Variants in GABBR2 observed in about 807,000 individuals in gnomAD.
GABBR2 encodes the protein gamma-aminobutyric acid type B receptor subunit 2.
GABBR2 carries 23 observed loss-of-function variants against 105.6 expected under a neutral mutation model. The observed-to-expected ratio is 0.22, with a 90% CI of 0.16 to 0.31. The LOEUF (loss-of-function observed/expected upper bound fraction) is 0.31. Ranked by LOEUF, GABBR2 falls within the 10% of genes least tolerant of loss-of-function variation. The pLI is 1.00. For missense variants in GABBR2, 734 were observed against 1,245.5 expected (o/e 0.59, Z 6.18); for synonymous variants, 478 against 499.7 (o/e 0.96, Z 0.58).
At chr9:98,574,975 G>T (rs949744050) in intron 2 of GABBR2, among the ~76,000 whole-genome samples, 1 of 152,190 alleles carries the variant, frequency 6.6e-6, no homozygotes, top group Non-Finnish European at 1.5e-5. Flanking sequence ...TCATTGAGCA[G>T]ATTTCTAATG....
At chr9:98,422,501 T>TGTGC (rs896475946) in intron 7 of GABBR2, among the ~76,000 whole-genome samples, 2 of 149,294 alleles carry the variant, frequency 1.3e-5, no homozygotes, top group Non-Finnish European at 3.0e-5. Context: ...TGCACCTGTG[T>TGTGC]GTGTGTGTGT....
intron 1 of GABBR2, among the ~76,000 whole-genome samples, chr9:98,706,059 A>G (rs965999385): frequency 6.6e-6 from 1 of 151,488 alleles, no homozygotes; most frequent in Non-Finnish European, 1.5e-5. Flanking sequence ...CTGGGCAACA[A>G]GAGCAAAACT....
chr9:98,690,533 T>G (rs900016827), intron 1 of GABBR2, among the ~76,000 whole-genome samples: 1 of 152,154 alleles, frequency 6.6e-6, no homozygotes, highest in African/African-American at 2.4e-5. Flanking sequence ...CGCCCTTCTC[T>G]GCCCAAAGAA....
intron 13 of GABBR2, among the ~76,000 whole-genome samples, chr9:98,359,193 T>G (rs10125863): frequency 1.3e-5 from 2 of 152,136 alleles, no homozygotes; most frequent in Non-Finnish European, 2.9e-5. Flanking sequence ...TTTGGGAGGC[T>G]GAGGCAGGTG....
chr9:98,637,543 G>T (rs1829897344), intron 1 of GABBR2, among the ~76,000 whole-genome samples: 1 of 152,122 alleles, frequency 6.6e-6, no homozygotes, highest in Admixed American at 6.5e-5. Context: ...AGCTCACAGT[G>T]GATGATTCAT....
rs369338702 is a variant in GABBR2, at chr9:98,447,063, CTTTTTTTTTTTTTT to C, written c.1236+6904_1236+6917del. Among the ~76,000 whole-genome samples the C allele has an allele frequency of 1.7e-5, 2 of 116,360 alleles. 1 individual carries two copies. The highest frequency in any genetic ancestry group is 1.8e-4 in the Admixed American group (2 of 11,044). 76.3% of individuals were successfully genotyped at this position (116,360 alleles called of 152,430 possible). On this transcript the variant is annotated intron_variant, in intron 7 of 18. Transcript: ENST00000259455. ...CCCAGATTCAACCTAAAAAAGACTT[CTTTTTTTTTTTTTT>C]TTGAGACGGAGTCTCGCTCTGTCGC...
intron 2 of GABBR2, among the ~76,000 whole-genome samples, chr9:98,561,808 C>T (rs1260828859): frequency 1.3e-5 from 2 of 152,148 alleles, no homozygotes; most frequent in Non-Finnish European, 2.9e-5. Flanking sequence ...CCCTTGAGCG[C>T]AGGAGTTTGA....
At chr9:98,627,672 G>T (rs1030327296) in intron 1 of GABBR2, among the ~76,000 whole-genome samples, 1 of 152,216 alleles carries the variant, frequency 6.6e-6, no homozygotes, top group East Asian at 1.9e-4. Context: ...CCATCAGGGC[G>T]TTCTGAAGCG....
chr9:98,386,855 G>A (rs113656227), intron 10 of GABBR2, among the ~76,000 whole-genome samples: 2 of 152,278 alleles, frequency 1.3e-5, no homozygotes, highest in African/African-American at 2.4e-5. Context: ...ACTGCACCCC[G>A]GCTTTCAAGT....
At position 98,704,952 on chromosome 9, in the gene GABBR2, C is replaced by CA. The variant is rs10586853; in HGVS notation, c.321+3464dup. ...AAGAGAATGAGACCCCCAACTCTTT[C>CA]AAAAAAAAAAAAAAAAGTCATTGTC... On this transcript the variant is annotated intron_variant, in intron 1 of 18. Coordinates refer to ENST00000259455, the MANE Select transcript of GABBR2 (RefSeq NM_005458.8). Among the ~76,000 whole-genome samples, 386 of 139,718 alleles carry CA rather than the reference C, an allele frequency of 2.8e-3. 3 individuals carry two copies. The highest frequency in any genetic ancestry group is 8.0e-3 in the African/African-American group (293 of 36,612). The allele number at this position is 139,718 out of a possible 152,430, so 91.7% of individuals were successfully genotyped here. A position where few individuals can be genotyped will look rare whatever the true frequency, so the allele number is the denominator to read the frequency against.
intron 3 of GABBR2, among the ~76,000 whole-genome samples, chr9:98,539,419 A>G (rs1230738739): frequency 6.6e-6 from 1 of 152,182 alleles, no homozygotes; most frequent in Non-Finnish European, 1.5e-5. Flanking sequence ...GAGAAATGGG[A>G]AGTCTGAACT....
intron 1 of GABBR2, among the ~76,000 whole-genome samples, chr9:98,689,563 G>A (rs1188973352): frequency 2.0e-5 from 3 of 152,142 alleles, no homozygotes; most frequent in Non-Finnish European, 4.4e-5. Context: ...CACATTCCAG[G>A]TTTCTGAAGG....
At chr9:98,507,179 C>A (rs1299553373) in intron 3 of GABBR2, among the ~76,000 whole-genome samples, 1 of 152,170 alleles carries the variant, frequency 6.6e-6, no homozygotes, top group African/African-American at 2.4e-5. Flanking sequence ...CTTCCCCCAA[C>A]AATGTCCATG....
At chr9:98,689,196 C>T (rs1014391714) in intron 1 of GABBR2, among the ~76,000 whole-genome samples, 1 of 152,088 alleles carries the variant, frequency 6.6e-6, no homozygotes, top group Admixed American at 6.5e-5. Flanking sequence ...TTCTTGAGGT[C>T]CCTTTGGAAG....
chr9:98,322,333 C>A (rs1830838440), intron 13 of GABBR2, among the ~76,000 whole-genome samples: 1 of 152,152 alleles, frequency 6.6e-6, no homozygotes, highest in Non-Finnish European at 1.5e-5. Flanking sequence ...TCAATGCCCA[C>A]CCTGGCTCCA....
chr9:98,433,192 C>T (rs10760325), intron 7 of GABBR2, among the ~76,000 whole-genome samples: 31,827 of 152,116 alleles, frequency 0.21, 4,287 homozygotes, highest in East Asian at 0.5. Flanking sequence ...CTGCATATGC[C>T]GCAGGGACTC....
intron 3 of GABBR2, among the ~76,000 whole-genome samples, chr9:98,497,206 G>T (rs1739972358): frequency 6.6e-6 from 1 of 152,170 alleles, no homozygotes; most frequent in Non-Finnish European, 1.5e-5. Flanking sequence ...GTTCAAGACT[G>T]CAGTGAGCCG....
chr9:98,484,228 C>A (rs1826991829), intron 4 of GABBR2, among the ~76,000 whole-genome samples: 2 of 152,168 alleles, frequency 1.3e-5, no homozygotes, highest in Admixed American at 6.5e-5. Flanking sequence ...GTTGCTATGA[C>A]AACCGAGTTG....
At chr9:98,604,056 G>A (rs1177330790) in intron 1 of GABBR2, among the ~76,000 whole-genome samples, 1 of 152,222 alleles carries the variant, frequency 6.6e-6, no homozygotes, top group Non-Finnish European at 1.5e-5. Flanking sequence ...ACCCGCCCGG[G>A]CACAGGGTGG....
Sources: gnomAD v4.1 joint callset for allele counts (sites outside exome capture counted in the v4.1 genomes callset) on GRCh38, gnomAD v4.1.1 for gene constraint, MANE v1.5 for transcripts, NCBI Gene and HGNC (gene_info 2026-07-23, HGNC 2026-07-21) for gene names.